Variants in CACNA2D1 observed in about 807,000 individuals in gnomAD.
CACNA2D1 encodes calcium voltage-gated channel auxiliary subunit alpha2delta 1, also known as voltage-dependent calcium channel subunit alpha-2/delta-1.
Under a neutral mutation model 171.5 loss-of-function variants are expected in CACNA2D1, and 53 were observed. The ratio of observed to expected loss-of-function variants is 0.31; its 90% CI spans 0.25 to 0.39. The LOEUF is 0.39. CACNA2D1 is among the 10% of genes least tolerant of loss of function. The pLI is 1.00. For missense variants in CACNA2D1, 903 were observed against 1,299.8 expected (o/e 0.69, Z 4.69); for synonymous variants, 442 against 443.1 (o/e 1.00, Z 0.03).
chr7:82,366,147 AT>A (rs1821678426), intron 1 of CACNA2D1, among the ~76,000 whole-genome samples: 2 of 152,308 alleles, frequency 1.3e-5, no homozygotes, highest in South Asian at 4.1e-4. Flanking sequence ...ACAGAATGAA[AT>A]TTTGGTCTTG....
intron 4 of CACNA2D1, among the ~76,000 whole-genome samples, chr7:82,148,723 C>T (rs1396141701): frequency 6.6e-6 from 1 of 152,092 alleles, no homozygotes; most frequent in Non-Finnish European, 1.5e-5. Context: ...GTGCAACCTC[C>T]GCCTCCCAGG....
rs749574436 is a variant in CACNA2D1 at position 82,005,474 on chromosome 7, A to G, written c.1539T>C (p.Phe513=). ...RFTLCPNGYY[F]AIDPNGYVLL... Reference sequence around the variant, plus strand: ...AAACATAACCATTAGGATCGATTGCAAAGTAATACCCATTGGGGCACAGCT... The same window carrying G: ...AAACATAACCATTAGGATCGATTGCGAAGTAATACCCATTGGGGCACAGCT... Residue 513 remains phenylalanine (F), a synonymous_variant, in exon 18 of 39, where the codon TTT becomes TTC. Transcript: ENST00000356860. 6.3e-7 allele frequency: 1 copy of G among 1,597,708 alleles called. No individual in the cohort carries two copies. Among genetic ancestry groups the G allele is most frequent in the Non-Finnish European group, 8.5e-7 (1 of 1,170,020 alleles).
chr7:82,067,525 T>A (rs1179825255), intron 7 of CACNA2D1, among the ~76,000 whole-genome samples: 1 of 152,182 alleles, frequency 6.6e-6, no homozygotes, highest in Non-Finnish European at 1.5e-5. Context: ...CTGTGAAATT[T>A]TTTTCTTATT....
At chr7:82,422,476 T>A (rs1196649432) in intron 1 of CACNA2D1, among the ~76,000 whole-genome samples, 3 of 152,182 alleles carry the variant, frequency 2.0e-5, no homozygotes, top group African/African-American at 7.2e-5. Flanking sequence ...CTTCTTGACC[T>A]GACATTGTAA....
chr7:82,365,667 A>C (rs1422646373), intron 1 of CACNA2D1, among the ~76,000 whole-genome samples: 1 of 152,210 alleles, frequency 6.6e-6, no homozygotes, highest in Non-Finnish European at 1.5e-5. Context: ...GCATCTCTAC[A>C]TTTTTAGCTA....
At chr7:82,077,560 C>A (rs2129001022) in intron 7 of CACNA2D1, among the ~76,000 whole-genome samples, 1 of 152,198 alleles carries the variant, frequency 6.6e-6, no homozygotes. Context: ...TGAGTAAAAA[C>A]CAAACTTCCA....
chr7:82,075,822 T>C (rs545560016), intron 7 of CACNA2D1, among the ~76,000 whole-genome samples: 2 of 152,182 alleles, frequency 1.3e-5, no homozygotes, highest in South Asian at 4.1e-4. Context: ...ACAGCAAAGA[T>C]GTTCTATGCA....
At chr7:82,367,014 C>A (rs1300127333) in intron 1 of CACNA2D1, among the ~76,000 whole-genome samples, 1 of 145,296 alleles carries the variant, frequency 6.9e-6, no homozygotes, top group Non-Finnish European at 1.5e-5. Flanking sequence ...TCAAACAATT[C>A]TCCTGCCTCA....
intron 5 of CACNA2D1, among the ~76,000 whole-genome samples, chr7:82,118,457 G>A (rs1789330797): frequency 6.6e-6 from 1 of 152,110 alleles, no homozygotes; most frequent in African/African-American, 2.4e-5. Flanking sequence ...CAGGTAGAGG[G>A]AGAAATGAAT....
At chr7:82,114,629 GC>G (rs1477654246) in intron 6 of CACNA2D1, among the ~76,000 whole-genome samples, 1 of 151,992 alleles carries the variant, frequency 6.6e-6, no homozygotes, top group Non-Finnish European at 1.5e-5. Flanking sequence ...GGTGGTGCAT[GC>G]CTGTAATCCT....
intron 12 of CACNA2D1, among the ~76,000 whole-genome samples, chr7:82,016,264 T>C (rs1800431877): frequency 6.6e-6 from 1 of 152,102 alleles, no homozygotes; most frequent in Non-Finnish European, 1.5e-5. Context: ...TTAAATGCCA[T>C]ACCCTAAACA....
chr7:82,220,762 GTTTC>G lies in CACNA2D1; in HGVS notation c.295-50157_295-50154del, dbSNP rs1035860977. 5.4e-5 allele frequency among the ~76,000 whole-genome samples: 8 copies of G among 147,302 alleles called. No individual in the cohort carries two copies. The South Asian group carries it at 1.7e-3, about 32-fold the overall frequency. On this transcript the variant is annotated intron_variant, in intron 3 of 38. Coordinates refer to ENST00000356860, the MANE Select transcript of CACNA2D1 (RefSeq NM_000722.4). ...ACAATAAAACTCGAGAAACAGAAAA[GTTTC>G]TTTCTTTCTTTTTTCTTTTTTTTTT...
At chr7:82,395,263 T>C (rs1161016163) in intron 1 of CACNA2D1, among the ~76,000 whole-genome samples, 2 of 151,856 alleles carry the variant, frequency 1.3e-5, no homozygotes, top group Non-Finnish European at 2.9e-5. Flanking sequence ...TAAACTGAGC[T>C]AGAGAGAAGT....
intron 5 of CACNA2D1, among the ~76,000 whole-genome samples, chr7:82,119,962 A>G (rs1430831441): frequency 2.0e-5 from 3 of 152,180 alleles, no homozygotes; most frequent in Admixed American, 6.5e-5. Flanking sequence ...CTGGACAATC[A>G]CTTCAGGCCA....
intron 3 of CACNA2D1, among the ~76,000 whole-genome samples, chr7:82,244,574 C>A (rs1212372678): frequency 6.6e-6 from 1 of 151,926 alleles, no homozygotes; most frequent in African/African-American, 2.4e-5. Context: ...GAAATAATAT[C>A]ATGACCTGAC....
chr7:81,957,713 TA>T (rs1376407615), intron 38 of CACNA2D1, among the ~76,000 whole-genome samples: 1 of 152,110 alleles, frequency 6.6e-6, no homozygotes, highest in Admixed American at 6.6e-5. Context: ...ACTCCACTGC[TA>T]AAGAAACACA....
At chr7:82,235,128 T>A (rs1430325325) in intron 3 of CACNA2D1, among the ~76,000 whole-genome samples, 1 of 152,154 alleles carries the variant, frequency 6.6e-6, no homozygotes, top group African/African-American at 2.4e-5. Context: ...AACAATGATA[T>A]GCTTAAATTA....
At chr7:82,358,890 C>A (rs561230700) in intron 1 of CACNA2D1, among the ~76,000 whole-genome samples, 2 of 151,680 alleles carry the variant, frequency 1.3e-5, no homozygotes, top group East Asian at 1.9e-4. Flanking sequence ...TTCATCTTTT[C>A]TTTATTTTCT....
chr7:82,380,414 G>T lies in CACNA2D1; in HGVS notation c.96-30765C>A, dbSNP rs144059792. ...AATATCCTATGATTAAGTTTTATATGTTTGGAGAATTGATCATTCAATTTT... is the reference window on the plus strand; with the variant it reads ...AATATCCTATGATTAAGTTTTATATTTTTGGAGAATTGATCATTCAATTTT... On this transcript the variant is annotated intron_variant, in intron 1 of 38. Coordinates refer to ENST00000356860, the MANE Select transcript of CACNA2D1 (RefSeq NM_000722.4). 2.4e-3 allele frequency among the ~76,000 whole-genome samples: 367 copies of T among 152,066 alleles called. 3 individuals are homozygous for T. Among genetic ancestry groups the T allele is most frequent in the African/African-American group, 8.4e-3 (348 of 41,466 alleles).
Sources: allele counts gnomAD v4.1 joint callset (sites outside exome capture counted in the v4.1 genomes callset), GRCh38; gene constraint gnomAD v4.1.1; transcripts MANE v1.5; gene names NCBI Gene and HGNC (gene_info 2026-07-23, HGNC 2026-07-21).